Variants in ZMYM2 observed in about 807,000 individuals in gnomAD.
The protein encoded by ZMYM2 is zinc finger MYM-type protein 2.
Under a neutral mutation model 162.8 loss-of-function variants are expected in ZMYM2, and 56 were observed. The ratio of observed to expected loss-of-function variants is 0.34; its 90% CI spans 0.28 to 0.43. ZMYM2 has a LOEUF of 0.43. Among genes scored for constraint, ZMYM2 ranks in the 20% least tolerant of loss-of-function variants. The pLI is 1.00. For missense variants in ZMYM2, 1,275 were observed against 1,621.8 expected (o/e 0.79, Z 3.67); for synonymous variants, 510 against 541.6 (o/e 0.94, Z 0.81).
the ZMYM2 span, among the ~76,000 whole-genome samples, chr13:19,920,982 G>T: frequency 1.3e-5 from 2 of 151,550 alleles, no homozygotes. Context: ...TGTTGGCCAG[G>T]ATGGTCTCCA....
chr13:19,987,216 T>C (rs909074819), intron 2 of ZMYM2, among the ~76,000 whole-genome samples: 20 of 151,610 alleles, frequency 1.3e-4, no homozygotes, highest in Non-Finnish European at 2.8e-4. Context: ...TTCACAGCTA[T>C]TAAGCAAAAT....
the ZMYM2 span, among the ~76,000 whole-genome samples, chr13:19,869,365 T>C: frequency 6.6e-5 from 10 of 152,304 alleles, no homozygotes; most frequent in African/African-American, 2.4e-4. Context: ...ACATGGAGTA[T>C]GGGAAAAAGA....
chr13:19,993,822 A>G lies in ZMYM2; in HGVS notation c.750A>G (p.Ser250=). ...AAACATACACCCCATCTTTAACTTCACAGACCAAGACTGGAGTAGGACCTT... is the reference window on the plus strand; with the variant it reads ...AAACATACACCCCATCTTTAACTTCGCAGACCAAGACTGGAGTAGGACCTT... ...NIQTYTPSLT[S]QTKTGVGPFN... is the part of the protein sequence containing the mutation. Residue 250 remains serine (S), a synonymous_variant, in exon 3 of 25, where the codon TCA becomes TCG. Transcript: ENST00000610343. 6.2e-7 allele frequency: 1 copy of G among 1,614,166 alleles called. No individual in the cohort carries two copies.
chr13:20,064,438 A>G lies in ZMYM2; in HGVS notation c.3038-13A>G, dbSNP rs757918349. On this transcript the variant is annotated splice_polypyrimidine_tract_variant and intron_variant, in intron 18 of 24. Coordinates refer to ENST00000610343, the MANE Select transcript of ZMYM2 (RefSeq NM_197968.4). The stretch of plus-strand genomic sequence containing the variant: ...TATTTCATTTAAAATAAAAGTTCTG[A>G]TTTGGTTGTCAGCTGCTGAGGAGCT... 1 of 1,577,814 alleles carries G rather than the reference A, an allele frequency of 6.3e-7. No individual in the cohort carries two copies. Among genetic ancestry groups the G allele is most frequent in the Non-Finnish European group, 8.6e-7 (1 of 1,160,772 alleles).
rs116123088 is a variant in ZMYM2, at chr13:20,019,208, G to T, written c.1513-339G>T. ...GAAAGCTTCGAGTTTCATTATAAGT[G>T]TTAACAGTTTTTAAAGAGATCTTAG... is the stretch of plus-strand genomic sequence containing the variant. On this transcript the variant is annotated intron_variant, in intron 6 of 24. Transcript: ENST00000610343. Among the ~76,000 whole-genome samples, 354 of 152,148 alleles carry T rather than the reference G, an allele frequency of 2.3e-3. 2 individuals are homozygous for T. Among genetic ancestry groups the T allele is most frequent in the African/African-American group, 8.0e-3 (331 of 41,506 alleles).
chr13:20,028,178 T>A (rs1178360178), intron 9 of ZMYM2: 1 of 160,116 alleles, frequency 6.2e-6, no homozygotes, highest in Non-Finnish European at 1.4e-5. Context: ...CAAATGAATG[T>A]CAGTTTTTGT....
At chr13:20,002,714 C>T in intron 3 of ZMYM2, 136 bp from the exon 4 acceptor site, 2 of 1,089,398 alleles carry the variant, frequency 1.8e-6, no homozygotes, top group South Asian at 1.7e-5. Context: ...TGCTATATAC[C>T]TCTCTGCTAT....
intron 12 of ZMYM2, among the ~76,000 whole-genome samples, 195 bp downstream of exon 12, chr13:20,037,104 A>G (rs1410055583): frequency 1.3e-5 from 2 of 152,052 alleles, no homozygotes; most frequent in African/African-American, 4.8e-5. Context: ...TTTTTTTAAT[A>G]ACTTAAGCAT....
At chr13:20,029,409 A>AC (rs1260674194) in intron 9 of ZMYM2, among the ~76,000 whole-genome samples, 5 of 152,206 alleles carry the variant, frequency 3.3e-5, no homozygotes, top group African/African-American at 1.2e-4. Context: ...GTGGGGGAAC[A>AC]CCAACATTCA....
the ZMYM2 span, among the ~76,000 whole-genome samples, chr13:19,884,899 C>G: frequency 6.6e-6 from 1 of 152,106 alleles, no homozygotes; most frequent in East Asian, 1.9e-4. Context: ...TTATTTGGCC[C>G]GGCCCATGTC....
chr13:19,955,767 G>A (rs1349986957), upstream of ZMYM2, among the ~76,000 whole-genome samples: 5 of 152,086 alleles, frequency 3.3e-5, no homozygotes, highest in Non-Finnish European at 7.4e-5. Flanking sequence ...TACTACAGGC[G>A]GGTGCCACCA....
At chr13:20,018,156 A>G (rs529757542) in intron 6 of ZMYM2, among the ~76,000 whole-genome samples, 1 of 152,262 alleles carries the variant, frequency 6.6e-6, no homozygotes, top group East Asian at 1.9e-4. Context: ...GGAGTTCCTT[A>G]TACTGTTCCC....
At chr13:19,955,898 G>A (rs564321548), upstream of ZMYM2, among the ~76,000 whole-genome samples, 34 of 152,204 alleles carry the variant, frequency 2.2e-4, no homozygotes, top group Non-Finnish European at 4.1e-4. Flanking sequence ...TTTTGCTCAC[G>A]TCTTGCAGCT....
chr13:20,034,167 T>C (rs1408393684), intron 10 of ZMYM2, 87 bp from the exon 11 acceptor site: 3 of 1,192,820 alleles, frequency 2.5e-6, no homozygotes, highest in Non-Finnish European at 3.3e-6. Flanking sequence ...AATAGGTAAA[T>C]GATTTAACTT....
chr13:19,976,336 AAAAGAAAG>A (rs1332024672), intron 2 of ZMYM2, among the ~76,000 whole-genome samples: 2 of 150,248 alleles, frequency 1.3e-5, no homozygotes, highest in Non-Finnish European at 2.9e-5. Context: ...CAAAAAAAAA[AAAAGAAAG>A]AAAGAAAGAA....
chr13:20,038,128 T>C (rs977727034), intron 12 of ZMYM2, among the ~76,000 whole-genome samples: 1 of 152,188 alleles, frequency 6.6e-6, no homozygotes, highest in African/African-American at 2.4e-5. Flanking sequence ...TATAATCTCT[T>C]TTTTATTGCT....
At chr13:19,915,718 G>A in the ZMYM2 span, among the ~76,000 whole-genome samples, 3 of 151,758 alleles carry the variant, frequency 2.0e-5, no homozygotes, top group African/African-American at 7.2e-5. Context: ...TGGCCAGGCT[G>A]GTTTCGAACT....
At chr13:19,906,908 A>G in the ZMYM2 span, among the ~76,000 whole-genome samples, 3 of 151,836 alleles carry the variant, frequency 2.0e-5, no homozygotes, top group African/African-American at 7.3e-5. Flanking sequence ...GTATGTTTTT[A>G]AGGGATGGGG....
At chr13:20,064,358 C>A in intron 18 of ZMYM2, 93 bp from the exon 19 acceptor site, 2 of 1,049,120 alleles carry the variant, frequency 1.9e-6, no homozygotes, top group Non-Finnish European at 2.7e-6. Flanking sequence ...TGTATGAATG[C>A]TGGTTTACAT....
Sources: gnomAD v4.1 joint callset for allele counts (sites outside exome capture counted in the v4.1 genomes callset) on GRCh38, gnomAD v4.1.1 for gene constraint, MANE v1.5 for transcripts, NCBI Gene and HGNC (gene_info 2026-07-23, HGNC 2026-07-21) for gene names.